The following ZNF219 variants were observed in gnomAD, a reference collection of about 807,000 sequenced individuals.
ZNF219 encodes the protein zinc finger protein 219.
Under a neutral mutation model 54.4 loss-of-function variants are expected in ZNF219, and 17 were observed. The ratio of observed to expected loss-of-function variants is 0.31; its 90% CI spans 0.21 to 0.47. The LOEUF is 0.47. Ranked by LOEUF, ZNF219 falls within the 20% of genes least tolerant of loss-of-function variation. ZNF219 has a pLI of 1.00. For missense variants in ZNF219, 1,014 were observed against 1,062.3 expected, an observed-to-expected ratio of 0.95 and a Z score of 0.63; for synonymous variants, 518 against 476.4, an observed-to-expected ratio of 1.09 and a Z score of -1.14.
In ZNF219 at chr14:21,090,558, C is replaced by T. The variant is rs1888753733; in HGVS notation, c.2147G>A (p.Gly716Glu). Reference sequence around the variant, plus strand: ...CCACTACCGTTCTTGCCCCCCCAGCCCTGCCTCTCCGGGTCTGGACAGCCC... The same window carrying T: ...CCACTACCGTTCTTGCCCCCCCAGCTCTGCCTCTCCGGGTCTGGACAGCCC... ...GSGLSRPGEA[G>E]LGGQER is the part of the protein sequence containing the mutation. The change falls in exon 5 of 5, where the codon GGG becomes GAG. Residue 716 changes from glycine (G) to glutamate (E), a missense_variant. Gly to Glu is a moderately conservative substitution (Grantham distance 98). Transcript: ENST00000360947. The surrounding 1 kb of genome is among the most constrained non-coding windows in gnomAD (Gnocchi z 4.4). 1 of 1,601,946 alleles carries T rather than the reference C, an allele frequency of 6.2e-7. No individual in the cohort carries two copies. Among genetic ancestry groups the T allele is most frequent in the South Asian group, 1.1e-5 (1 of 90,650 alleles).
Position 21,098,397 on chromosome 14 carries a change from C to T in ZNF219, c.-169G>A. The T allele has an allele frequency of 3.8e-6, 2 of 521,670 alleles. No homozygotes were observed. Among genetic ancestry groups the T allele is most frequent in the Non-Finnish European group, 4.9e-6 (2 of 411,480 alleles). The allele number at this position is 521,670 out of a possible 1,614,324, so 32.3% of individuals were successfully genotyped here. A position where few individuals can be genotyped will look rare whatever the true frequency, so the allele number is the denominator to read the frequency against. On this transcript the variant is annotated 5_prime_UTR_variant, in exon 1 of 5. Coordinates refer to ENST00000360947, the MANE Select transcript of ZNF219 (RefSeq NM_016423.3). ...GCCGGCGGCGCGGGCGTCAGCGTTA[C>T]GTGGGGCCGGGGGAGATGCGCCGGG...
At chr14:21,091,827 G>A (rs1888906085) in intron 3 of ZNF219, 38 bp downstream of exon 3, 4 of 1,490,736 alleles carry the variant, frequency 2.7e-6, no homozygotes, top group Non-Finnish European at 3.6e-6. Flanking sequence ...GTCAGAGGAG[G>A]ACGCGGCGTA....
At chr14:21,091,799 G>C in intron 3 of ZNF219, 66 bp downstream of exon 3, 1 of 1,481,598 alleles carries the variant, frequency 6.7e-7, no homozygotes, top group Non-Finnish European at 8.9e-7. Context: ...GAAGCTACGA[G>C]GGAGTGGCGG....
rs746595858 is a variant in ZNF219, at chr14:21,090,692, G to T, written c.2013C>A (p.Arg671=). ...MALHLQVHHS[R]RARGRRPPQA... is the part of the protein sequence containing the mutation. Reference sequence around the variant, plus strand: ...GGGGTGGCCGGCGGCCCCTAGCCCGGCGGCTGTGGTGCACTTGAAGGTGCA... The same window carrying T: ...GGGGTGGCCGGCGGCCCCTAGCCCGTCGGCTGTGGTGCACTTGAAGGTGCA... The change falls in exon 5 of 5, where the codon CGC becomes CGA. Residue 671 remains arginine, a synonymous_variant. Transcript: ENST00000360947. This position sits in a 1 kb window ranked among gnomAD's most constrained non-coding sequence, Gnocchi z 4.4. The T allele has an allele frequency of 1.2e-6, 2 of 1,611,352 alleles. No individual in the cohort carries two copies. Among genetic ancestry groups the T allele is most frequent in the South Asian group, 2.2e-5 (2 of 90,848 alleles).
chr14:21,098,591 G>A lies in ZNF219; in HGVS notation c.-363C>T. The stretch of plus-strand genomic sequence containing the variant: ...GCCGGGCTCTGGCTCCGGGGACAGG[G>A]AGCTGGGGACCCCGGGAGCCGCGAG... On this transcript the variant is annotated 5_prime_UTR_variant, in exon 1 of 5. Coordinates refer to ENST00000360947, the MANE Select transcript of ZNF219 (RefSeq NM_016423.3). 9.9e-7 allele frequency: 1 copy of A among 1,013,416 alleles called. No individual in the cohort carries two copies. The highest frequency in any genetic ancestry group is 1.7e-5 in the African/African-American group (1 of 57,374). 62.8% of individuals were successfully genotyped at this position (1,013,416 alleles called of 1,614,324 possible).
chr14:21,092,597 G>C lies in ZNF219; in HGVS notation c.700C>G (p.Pro234Ala). 1 of 990,404 alleles carries C rather than the reference G, an allele frequency of 1.0e-6. No individual in the cohort carries two copies. The highest frequency in any genetic ancestry group is 2.2e-5 in the South Asian group (1 of 45,134). The allele number at this position is 990,404 out of a possible 1,614,324, so 61.4% of individuals were successfully genotyped here. A position where few individuals can be genotyped will look rare whatever the true frequency, so the allele number is the denominator to read the frequency against. ...GATCTGGGTTCGGGCTGGGGTGGAG[G>C]CTGAGGCTGAGGCTGAGGCGGAGGC... ...AAPPPQPQPQ[P>A]PPQPEPRSVP... is the part of the protein sequence containing the mutation. Residue 234 changes from proline (P) to alanine (A), a missense_variant, in exon 3 of 5, where the codon CCT (proline) becomes GCT (alanine). Pro to Ala is a conservative substitution (Grantham distance 27). Coordinates refer to ENST00000360947, the MANE Select transcript of ZNF219 (RefSeq NM_016423.3).
chr14:21,092,678 G>A lies in ZNF219; in HGVS notation c.619C>T (p.His207Tyr). The A allele has an allele frequency of 6.3e-7, 1 of 1,575,456 alleles. No individual in the cohort carries two copies. The change falls in exon 3 of 5, where the codon CAC becomes TAC. Residue 207 changes from histidine to tyrosine, a missense_variant. Transcript: ENST00000360947. ...GSSQEEELLHHSLTAHGAPER... is the reference protein window; with the variant it reads ...GSSQEEELLHYSLTAHGAPER... ...GGAGCCCCGTGGGCCGTCAGGCTGT[G>A]GTGCAGCAGCTCCTCCTCCTGGCTG...
At position 21,090,251 on chromosome 14, in the gene ZNF219, C is replaced by T; in HGVS notation, c.*285G>A. The T allele has an allele frequency of 1.5e-6, 1 of 666,906 alleles. No homozygotes were observed. The highest frequency in any genetic ancestry group is 2.0e-5 in the Admixed American group (1 of 48,844). The allele number at this position is 666,906 out of a possible 1,614,324, so 41.3% of individuals were successfully genotyped here. ...TCTCACGCCTATGGACCAGCAAAGA[C>T]TGGCAGAGTGGCTCCTCAACAGGGA... On this transcript the variant is annotated 3_prime_UTR_variant, in exon 5 of 5. Coordinates refer to ENST00000360947, the MANE Select transcript of ZNF219 (RefSeq NM_016423.3). The surrounding 1 kb of genome is among the most constrained non-coding windows in gnomAD (Gnocchi z 4.4).
intron 1 of ZNF219, among the ~76,000 whole-genome samples, chr14:21,094,959 T>A (rs373618816): frequency 6.7e-6 from 1 of 150,050 alleles, no homozygotes; most frequent in African/African-American, 2.5e-5. Flanking sequence ...TATAAAGAAC[T>A]TCCTTACAAT....
chr14:21,093,617 T>G lies in ZNF219; in HGVS notation c.-26A>C, dbSNP rs754785495. ...GGACCCCCTTCACATTCTTTGGTTC[T>G]GGGAAGTGCAGGGAAGAGGAGGAAA... On this transcript the variant is annotated 5_prime_UTR_variant, in exon 2 of 5. Coordinates refer to ENST00000360947, the MANE Select transcript of ZNF219 (RefSeq NM_016423.3). The G allele has an allele frequency of 2.5e-6, 4 of 1,614,024 alleles. No homozygotes were observed. The highest frequency in any genetic ancestry group is 3.4e-6 in the Non-Finnish European group (4 of 1,180,012).
chr14:21,098,474 C>G lies in ZNF219; in HGVS notation c.-246G>C. 1 of 976,336 alleles carries G rather than the reference C, an allele frequency of 1.0e-6. No homozygotes were observed. The highest frequency in any genetic ancestry group is 1.2e-6 in the Non-Finnish European group (1 of 823,538). The allele number at this position is 976,336 out of a possible 1,614,324, so 60.5% of individuals were successfully genotyped here. On this transcript the variant is annotated 5_prime_UTR_variant, in exon 1 of 5. Coordinates refer to ENST00000360947, the MANE Select transcript of ZNF219 (RefSeq NM_016423.3). ...CCCCCGCCCCCTCCCCGGTCCCCCG[C>G]CCCCGGCCCTGGCCCGCATTGTGTG...
chr14:21,096,482 A>G (rs1566553136), intron 1 of ZNF219, among the ~76,000 whole-genome samples: 1 of 152,186 alleles, frequency 6.6e-6, no homozygotes, highest in African/African-American at 2.4e-5. Flanking sequence ...CTGGGATACT[A>G]TGAACTGCCT....
chr14:21,091,826 G>T (rs1182328901), intron 3 of ZNF219, 39 bp downstream of exon 3: 2 of 1,490,112 alleles, frequency 1.3e-6, no homozygotes, highest in Admixed American at 2.4e-5. Flanking sequence ...AGTCAGAGGA[G>T]GACGCGGCGT....
upstream of ZNF219, chr14:21,101,560 C>T (rs139486004): frequency 9.2e-5 from 97 of 1,052,616 alleles, no homozygotes; most frequent in East Asian, 2.5e-3. Context: ...GTGCCAGAAA[C>T]TGAGCTAGGT....
chr14:21,090,626 T>G lies in ZNF219; in HGVS notation c.2079A>C (p.Gly693=). The change falls in exon 5 of 5, where the codon GGA becomes GGC. Residue 693 remains glycine, a synonymous_variant. Transcript: ENST00000360947. This position sits in a 1 kb window ranked among gnomAD's most constrained non-coding sequence, Gnocchi z 4.4. Reference sequence around the variant, plus strand: ...CCTGCGAAGGACTGGGAGGGGTCTCTCCTGATGGTACTCGGGCATAGGGCG... The same window carrying G: ...CCTGCGAAGGACTGGGAGGGGTCTCGCCTGATGGTACTCGGGCATAGGGCG... ...ASPPYARVPS[G]ETPPSPSQEG... The G allele has an allele frequency of 6.2e-7, 1 of 1,612,492 alleles. No homozygotes were observed. The highest frequency in any genetic ancestry group is 8.5e-7 in the Non-Finnish European group (1 of 1,179,746).
At chr14:21,102,064 G>C (rs1461702563), upstream of ZNF219, 1 of 1,551,164 alleles carries the variant, frequency 6.4e-7, no homozygotes, top group Admixed American at 2.0e-5. Context: ...CACCATTCAG[G>C]GTCTCCTCAC....
In ZNF219 at chr14:21,098,435, CG is replaced by C; in HGVS notation, c.-208del. On this transcript the variant is annotated 5_prime_UTR_variant, in exon 1 of 5. The change abolishes the stop of an existing upstream ORF in the 5' untranslated region. Transcript: ENST00000360947. ...GAGATGCGCCGGGCCCCGGCCCCCC[CG>C]CCCCCGGCCCGGCCCCCGCCCCCTC... The C allele has an allele frequency of 1.5e-6, 1 of 683,840 alleles. No homozygotes were observed. The highest frequency in any genetic ancestry group is 1.8e-6 in the Non-Finnish European group (1 of 559,690). The allele number at this position is 683,840 out of a possible 1,614,324, so 42.4% of individuals were successfully genotyped here.
chr14:21,100,729 C>G (rs1889581398), upstream of ZNF219, among the ~76,000 whole-genome samples: 1 of 152,168 alleles, frequency 6.6e-6, no homozygotes, highest in Non-Finnish European at 1.5e-5. Context: ...CTTACCTGGT[C>G]TGGGGGCAAA....
rs756931197 is a variant in ZNF219 at position 21,091,892 on chromosome 14, C to A, written c.1405G>T (p.Ala469Ser). Residue 469 changes from alanine (A) to serine (S), a missense_variant, in exon 3 of 5, where the codon GCC (alanine) becomes TCC (serine). By Grantham distance (99) the Ala-to-Ser change is moderately conservative (BLOSUM62 1). Coordinates refer to ENST00000360947, the MANE Select transcript of ZNF219 (RefSeq NM_016423.3). ...GPGHSASAAG[A>S]QARSTATQEE... ...TGCGTGGCGGTCGATCTTGCCTGGGCCCCAGCAGCAGAGGCAGAGTGCCCC... is the reference window on the plus strand; with the variant it reads ...TGCGTGGCGGTCGATCTTGCCTGGGACCCAGCAGCAGAGGCAGAGTGCCCC... 1.3e-6 allele frequency: 2 copies of A among 1,578,802 alleles called. No individual in the cohort carries two copies. The highest frequency in any genetic ancestry group is 1.7e-6 in the Non-Finnish European group (2 of 1,165,824).
Sources: allele counts gnomAD v4.1 joint callset (sites outside exome capture counted in the v4.1 genomes callset), GRCh38; gene constraint gnomAD v4.1.1; non-coding constraint Gnocchi (gnomAD v3.1); transcripts MANE v1.5; gene names NCBI Gene and HGNC (gene_info 2026-07-23, HGNC 2026-07-21).